ZNF577: variants seen among roughly 807,000 people sequenced by gnomAD.
ZNF577 encodes the protein zinc finger protein 577.
ZNF577 carries 14 observed loss-of-function variants against 13.9 expected under a neutral mutation model. The ratio of observed to expected loss-of-function variants is 1.00; its 90% CI spans 0.66 to 1.57. The LOEUF (loss-of-function observed/expected upper bound fraction) is 1.57. Ranked by LOEUF, ZNF577 falls within the 40% of genes most tolerant of loss-of-function variation. The probability of loss-of-function intolerance (pLI) is 0.00; values close to 1 mark genes in which losing one functional copy is unlikely to be tolerated. For missense variants in ZNF577, 555 were observed against 579.2 expected (o/e 0.96, Z 0.43); for synonymous variants, 203 against 202.9 (o/e 1.00, Z 0.00).
At chr19:51,839,435 C>T (rs980332317) in intron 9 of ZNF577, among the ~76,000 whole-genome samples, 3 of 152,104 alleles carry the variant, frequency 2.0e-5, no homozygotes, top group Non-Finnish European at 2.9e-5. Flanking sequence ...ATTACACACA[C>T]ATACCCATAC....
chr19:51,851,935 C>T (rs1202677648), intron 5 of ZNF577, among the ~76,000 whole-genome samples: 6 of 152,310 alleles, frequency 3.9e-5, no homozygotes, highest in East Asian at 3.9e-4. Context: ...AATACCCTCA[C>T]GCATCACCTG....
At chr19:51,882,222 G>A (rs2084872199) in intron 1 of ZNF577, among the ~76,000 whole-genome samples, 1 of 152,056 alleles carries the variant, frequency 6.6e-6, no homozygotes, top group Non-Finnish European at 1.5e-5. Flanking sequence ...GAAAAATCCA[G>A]GATCCAACCA....
chr19:51,878,295 T>A, intron 4 of ZNF577, 94 bp downstream of exon 4: 5 of 1,336,620 alleles, frequency 3.7e-6, no homozygotes, highest in Middle Eastern at 2.5e-4. Context: ...CTATAACATA[T>A]AATACTTTAG....
chr19:51,810,728 C>A (rs1599834490), intron 10 of ZNF577, among the ~76,000 whole-genome samples: 1 of 152,314 alleles, frequency 6.6e-6, no homozygotes, highest in East Asian at 1.9e-4. Context: ...ACGCATAGCA[C>A]CAAACACAGA....
chr19:51,813,158 A>ACC (rs1555740549), intron 9 of ZNF577, among the ~76,000 whole-genome samples: 2 of 149,200 alleles, frequency 1.3e-5, no homozygotes, highest in Non-Finnish European at 3.0e-5. Context: ...ACACACACAC[A>ACC]CACCCCATAA....
chr19:51,827,869 C>A (rs1332966648), intron 9 of ZNF577, among the ~76,000 whole-genome samples: 3 of 152,174 alleles, frequency 2.0e-5, no homozygotes, highest in Non-Finnish European at 4.4e-5. Context: ...ACATGAATAT[C>A]AGGCAATCCT....
chr19:51,843,906 T>C (rs1245534846), intron 6 of ZNF577, among the ~76,000 whole-genome samples: 4 of 152,180 alleles, frequency 2.6e-5, no homozygotes, highest in Non-Finnish European at 5.9e-5. Flanking sequence ...TGTATCTGTA[T>C]TAAATACCAT....
At position 51,870,524 on chromosome 19, in the gene ZNF577, C is replaced by A. The variant is rs984935439; in HGVS notation, c.*2008G>T. ...CTGTGATTCTCCAAATGTTAGGAGG[C>A]GTTTCCACTCCAGCTGGTGGAAATG... On this transcript the variant is annotated 3_prime_UTR_variant, in exon 6 of 6. Transcript: ENST00000638348. Among the ~76,000 whole-genome samples the A allele has an allele frequency of 6.6e-6, 1 of 152,162 alleles. No homozygotes were observed. The highest frequency in any genetic ancestry group is 2.4e-5 in the African/African-American group (1 of 41,432).
At chr19:51,857,168 G>A (rs939518273) in intron 5 of ZNF577, among the ~76,000 whole-genome samples, 3 of 151,994 alleles carry the variant, frequency 2.0e-5, no homozygotes, top group African/African-American at 4.8e-5. Context: ...GTGTGATGGC[G>A]CACGCCTGTA....
At chr19:51,861,254 G>A in intron 5 of ZNF577, 1 of 224,092 alleles carries the variant, frequency 4.5e-6, no homozygotes, top group South Asian at 4.9e-5. Context: ...GAGTAGTTAG[G>A]ATTACAGGTG....
downstream of ZNF577, chr19:51,863,065 T>C (rs1414708328): frequency 6.6e-6 from 1 of 152,198 alleles, no homozygotes; most frequent in Non-Finnish European, 1.5e-5. Context: ...TTGACATTGA[T>C]TGCATCAGTA....
At chr19:51,877,559 TA>T in intron 4 of ZNF577, 182 bp from the exon 5 acceptor site, 1 of 503,396 alleles carries the variant, frequency 2.0e-6, no homozygotes, top group Non-Finnish European at 3.5e-6. Context: ...GACACACCCA[TA>T]CCCATTAGGA....
chr19:51,845,259 C>T (rs2084344604), intron 5 of ZNF577, among the ~76,000 whole-genome samples: 1 of 152,136 alleles, frequency 6.6e-6, no homozygotes, highest in South Asian at 2.1e-4. Context: ...CTTTGGGAGG[C>T]AGAGGCAGGC....
intron 10 of ZNF577, among the ~76,000 whole-genome samples, chr19:51,805,829 G>A (rs2084055292): frequency 6.6e-6 from 1 of 152,098 alleles, no homozygotes; most frequent in Non-Finnish European, 1.5e-5. Flanking sequence ...AGGCTCTACG[G>A]GCACAATAAG....
chr19:51,864,038 G>A (rs569842611), downstream of ZNF577, among the ~76,000 whole-genome samples: 2 of 152,342 alleles, frequency 1.3e-5, no homozygotes, highest in African/African-American at 2.4e-5. Flanking sequence ...ACCAATGATA[G>A]TGGGAGCAGG....
chr19:51,814,868 G>C (rs1453434443), intron 9 of ZNF577, among the ~76,000 whole-genome samples: 5 of 151,984 alleles, frequency 3.3e-5, no homozygotes, highest in Admixed American at 2.6e-4. Context: ...GGAGTGCAGT[G>C]GCGCCATCTC....
At chr19:51,861,128 T>C (rs2084495275) in intron 5 of ZNF577, 9 of 320,672 alleles carry the variant, frequency 2.8e-5, no homozygotes, top group Non-Finnish European at 5.1e-5. Context: ...TTTTTTTTTT[T>C]TTTTTTTTGA....
Position 51,824,515 on chromosome 19 carries a change from C to T in ZNF577, c.*600-12841G>A. 1 of 1,614,068 alleles carries T rather than the reference C, an allele frequency of 6.2e-7. No individual in the cohort carries two copies. Among genetic ancestry groups the T allele is most frequent in the Non-Finnish European group, 8.5e-7 (1 of 1,179,992 alleles). On this transcript the variant is annotated intron_variant and NMD_transcript_variant, in intron 9 of 10. Coordinates refer to the ZNF577 transcript ENST00000638827. This position sits in a 1 kb window ranked among gnomAD's most constrained non-coding sequence, Gnocchi z 4.7. ...GCTTCTTTCTTCATCTGTTGGTTCC[C>T]TTATGAACTAATTGGCATTCTAATG...
intron 5 of ZNF577, among the ~76,000 whole-genome samples, chr19:51,856,539 C>G (rs1380788386): frequency 6.6e-6 from 1 of 152,184 alleles, no homozygotes. Flanking sequence ...CTCTACATCG[C>G]TAAGTCAATG....
Sources: allele counts gnomAD v4.1 joint callset (sites outside exome capture counted in the v4.1 genomes callset), GRCh38; gene constraint gnomAD v4.1.1; non-coding constraint Gnocchi (gnomAD v3.1); transcripts MANE v1.5; gene names NCBI Gene and HGNC (gene_info 2026-07-23, HGNC 2026-07-21).